The following SPICE1 variants were observed in gnomAD, a reference collection of about 807,000 sequenced individuals.
SPICE1 encodes the protein spindle and centriole-associated protein 1.
Under a neutral mutation model 102.7 loss-of-function variants are expected in SPICE1, and 75 were observed. The observed-to-expected ratio is 0.73, with a 90% CI of 0.61 to 0.88. SPICE1 has a LOEUF of 0.88. SPICE1 is among the 40% of genes least tolerant of loss of function. SPICE1 has a pLI of 0.00. For synonymous variants in SPICE1, 308 were observed against 350.3 expected (o/e 0.88, Z 1.35); for missense variants, 979 against 1,020.1 (o/e 0.96, Z 0.55).
intron 12 of SPICE1, among the ~76,000 whole-genome samples, chr3:113,458,365 A>G (rs35812463): frequency 0.043 from 6,512 of 152,090 alleles, 169 homozygotes; most frequent in East Asian, 0.1. Context: ...GGCACGCGCC[A>G]CCACACCTGA....
In SPICE1 at chr3:113,453,692, C is replaced by A; in HGVS notation, c.1916G>T (p.Arg639Ile). 1 of 1,614,098 alleles carries A rather than the reference C, an allele frequency of 6.2e-7. No individual in the cohort carries two copies. The highest frequency in any genetic ancestry group is 8.5e-7 in the Non-Finnish European group (1 of 1,180,018). The stretch of plus-strand genomic sequence containing the variant: ...GAGCTCTTCTGAGAATGTGGGGCTT[C>A]TTGACTGTTGAGTGTTGGAATGGGA... Reference protein sequence around the residue: ...CNSHSNTQQSRSPTFSEELPV... With the variant: ...CNSHSNTQQSISPTFSEELPV... The change falls in exon 14 of 18, where the codon AGA becomes ATA. Residue 639 changes from arginine to isoleucine, a missense_variant. Arg to Ile is a moderately conservative substitution (Grantham distance 97, BLOSUM62 -3). Coordinates refer to ENST00000295872, the MANE Select transcript of SPICE1 (RefSeq NM_144718.4).
chr3:113,509,866 TAA>T (rs1434129258), intron 1 of SPICE1, among the ~76,000 whole-genome samples: 1 of 152,236 alleles, frequency 6.6e-6, no homozygotes, highest in Non-Finnish European at 1.5e-5. Flanking sequence ...GATGGGTTTA[TAA>T]GTGTCTGGCA....
intron 10 of SPICE1, among the ~76,000 whole-genome samples, chr3:113,467,406 C>T (rs920377893): frequency 1.3e-5 from 2 of 152,206 alleles, no homozygotes; most frequent in African/African-American, 2.4e-5. Context: ...ATTCTCCTGC[C>T]TCAGCCTCCC....
At position 113,453,827 on chromosome 3, in the gene SPICE1, CTTGAA is replaced by C. The variant is rs761596019; in HGVS notation, c.1776_1780del (p.Asn592LysfsTer2). On this transcript the variant is annotated frameshift_variant, in exon 14 of 18. Coordinates refer to ENST00000295872, the MANE Select transcript of SPICE1 (RefSeq NM_144718.4). LOFTEE classifies it high-confidence loss of function. Reference sequence around the variant, plus strand: ...CTGAGTGAAGAGACGATTCTCTTCACTTGAATTCTGAATGTCTGTATCAATAGGTA... The same window carrying C: ...CTGAGTGAAGAGACGATTCTCTTCACTTCTGAATGTCTGTATCAATAGGTA... 6.2e-7 allele frequency: 1 copy of C among 1,614,178 alleles called. No homozygotes were observed.
chr3:113,479,411 T>C (rs1038072546), intron 7 of SPICE1, among the ~76,000 whole-genome samples: 7 of 151,928 alleles, frequency 4.6e-5, no homozygotes, highest in African/African-American at 7.3e-5. Flanking sequence ...GTCTTTGCTA[T>C]TGTGAATAGT....
intron 13 of SPICE1, among the ~76,000 whole-genome samples, chr3:113,455,404 C>G (rs1935757135): frequency 6.6e-6 from 1 of 152,150 alleles, no homozygotes; most frequent in Non-Finnish European, 1.5e-5. Flanking sequence ...ATGGCAGCCT[C>G]TAGCTATATG....
intron 7 of SPICE1, among the ~76,000 whole-genome samples, chr3:113,478,311 C>T (rs1160564561): frequency 6.6e-6 from 1 of 152,036 alleles, no homozygotes; most frequent in East Asian, 1.9e-4. Flanking sequence ...AAGAGACATA[C>T]TTAATACAAA....
chr3:113,457,051 G>C, intron 13 of SPICE1, 85 bp downstream of exon 13: 1 of 1,347,086 alleles, frequency 7.4e-7, no homozygotes, highest in Non-Finnish European at 1.0e-6. Flanking sequence ...TTTCAATTCT[G>C]TTTTTCATGT....
In SPICE1 at chr3:113,453,485, C is replaced by T. The variant is rs745538003; in HGVS notation, c.2123G>A (p.Ser708Asn). The change falls in exon 14 of 18, where the codon AGT becomes AAT. Residue 708 changes from serine to asparagine, a missense_variant. By Grantham distance (46) the Ser-to-Asn change is conservative (BLOSUM62 1). Transcript: ENST00000295872. ...DGLRELNKQE[S>N]ASDMTSTFPV... ...ACTCACAGAAGTCATGTCACTTGCA[C>T]TTTCTTGTTTGTTCAACTCCCGGAG... 121 of 1,608,510 alleles carry T rather than the reference C, an allele frequency of 7.5e-5. 1 individual carries two copies. In the South Asian group the frequency reaches 1.2e-3, roughly 16 times the overall value.
chr3:113,467,482 A>G (rs6438150), intron 10 of SPICE1, among the ~76,000 whole-genome samples: 9,063 of 152,128 alleles, frequency 0.06, 347 homozygotes, highest in African/African-American at 0.1. Flanking sequence ...AGTAGAGACA[A>G]GGTTTTACCA....
chr3:113,505,147 C>A (rs751816562), intron 2 of SPICE1, among the ~76,000 whole-genome samples: 14 of 152,230 alleles, frequency 9.2e-5, no homozygotes, highest in Non-Finnish European at 1.2e-4. Context: ...TATTTTCAAT[C>A]CACCTTTCGT....
chr3:113,458,502 G>A (rs924275191), intron 12 of SPICE1, among the ~76,000 whole-genome samples: 15 of 152,172 alleles, frequency 9.9e-5, no homozygotes, highest in African/African-American at 3.6e-4. Context: ...ACGGAGTCTC[G>A]CTCACTCAGT....
intron 7 of SPICE1, among the ~76,000 whole-genome samples, chr3:113,480,588 G>T (rs1010489867): frequency 3.3e-5 from 5 of 152,062 alleles, no homozygotes; most frequent in African/African-American, 1.2e-4. Context: ...ACCATATTAA[G>T]AGACATAAGC....
chr3:113,475,214 T>C (rs1052181373), intron 7 of SPICE1, among the ~76,000 whole-genome samples: 10 of 151,928 alleles, frequency 6.6e-5, no homozygotes, highest in East Asian at 1.9e-4. Flanking sequence ...GACACATACA[T>C]CCTCCCAAGA....
Position 113,468,827 on chromosome 3 carries a change from A to G in SPICE1, c.824T>C (p.Leu275Pro). The change falls in exon 9 of 18, where the codon CTA becomes CCA. Residue 275 changes from leucine to proline, a missense_variant. Physicochemically the swap from Leu to Pro is moderately conservative, Grantham distance 98 (BLOSUM62 -3). Coordinates refer to ENST00000295872, the MANE Select transcript of SPICE1 (RefSeq NM_144718.4). ...GTGTCCCACAACGTAGCTTGAGTCT[A>G]GAGTCTCAGTAGATTCTTCAGGCTG... ...RLQPEESTET[L>P]DSSYVVGHVL... 1 of 1,614,206 alleles carries G rather than the reference A, an allele frequency of 6.2e-7. No individual in the cohort carries two copies. The highest frequency in any genetic ancestry group is 8.5e-7 in the Non-Finnish European group (1 of 1,180,032).
At position 113,444,457 on chromosome 3, in the gene SPICE1, C is replaced by G. The variant is rs918765188; in HGVS notation, c.*850G>C. 6 of 146,386 alleles carry G rather than the reference C, an allele frequency of 4.1e-5. No homozygotes were observed. Among genetic ancestry groups the G allele is most frequent in the Admixed American group, 2.7e-4 (4 of 14,550 alleles). The allele number at this position is 146,386 out of a possible 1,614,324, so 9.1% of individuals were successfully genotyped here. ...TGAGGTGGCAGTGAACCAGATTATA[C>G]AACTGCACTCCAGCCTGGGCAATAA... On this transcript the variant is annotated 3_prime_UTR_variant, in exon 18 of 18. Coordinates refer to ENST00000295872, the MANE Select transcript of SPICE1 (RefSeq NM_144718.4).
intron 7 of SPICE1, among the ~76,000 whole-genome samples, chr3:113,475,901 TC>T (rs1936333271): frequency 6.6e-6 from 1 of 152,118 alleles, no homozygotes; most frequent in Non-Finnish European, 1.5e-5. Flanking sequence ...CTCTCACTAC[TC>T]CTATTCAACA....
chr3:113,477,394 T>C (rs1015758442), intron 7 of SPICE1, among the ~76,000 whole-genome samples: 2 of 151,930 alleles, frequency 1.3e-5, no homozygotes, highest in African/African-American at 2.4e-5. Flanking sequence ...CTCAGGGATC[T>C]AGAACTAGAA....
Position 113,446,628 on chromosome 3 carries a change from T to C in SPICE1, c.2475A>G (p.Ser825=). The change falls in exon 17 of 18, where the codon TCA becomes TCG. Residue 825 remains serine (S), a synonymous_variant. Transcript: ENST00000295872. ...GNSCSPLNAT[S]GSGRFTPLNP... ...TAAGAGGTGTGAATCTCCCACTTCC[T>C]GAGGTGGCATTTAGTGGAGAACAAG... The C allele has an allele frequency of 6.2e-7, 1 of 1,613,852 alleles. No individual in the cohort carries two copies. Among genetic ancestry groups the C allele is most frequent in the Non-Finnish European group, 8.5e-7 (1 of 1,179,864 alleles).
Sources: gnomAD v4.1 joint callset for allele counts (sites outside exome capture counted in the v4.1 genomes callset) on GRCh38, gnomAD v4.1.1 for gene constraint, MANE v1.5 for transcripts, NCBI Gene and HGNC (gene_info 2026-07-23, HGNC 2026-07-21) for gene names.